ZNF746: variants seen among roughly 807,000 people sequenced by gnomAD.
ZNF746 encodes the protein parkin-interacting substrate.
A neutral mutation model predicts 41.0 loss-of-function variants in ZNF746; 13 were observed. The ratio of observed to expected loss-of-function variants is 0.32; its 90% CI spans 0.21 to 0.50. The LOEUF (loss-of-function observed/expected upper bound fraction) is 0.50. Ranked by LOEUF, ZNF746 falls within the 20% of genes least tolerant of loss-of-function variation. The pLI is 0.98. For synonymous variants in ZNF746, 424 were observed against 396.2 expected, an observed-to-expected ratio of 1.07 and a Z score of -0.83; for missense variants, 811 against 922.9, an observed-to-expected ratio of 0.88 and a Z score of 1.57.
At chr7:149,493,319 G>A (rs1156660885) in intron 3 of ZNF746, among the ~76,000 whole-genome samples, 2 of 152,216 alleles carry the variant, frequency 1.3e-5, no homozygotes, top group African/African-American at 4.8e-5. Flanking sequence ...GAGCGTGCAC[G>A]TTAAACAGCA....
intron 4 of ZNF746, chr7:149,488,851 CA>C (rs748471048): frequency 6.6e-6 from 1 of 152,076 alleles, no homozygotes; most frequent in South Asian, 2.1e-4. Context: ...CACAGGGCCA[CA>C]AAAAAACAGG....
chr7:149,474,404 T>C lies in ZNF746; in HGVS notation c.1963A>G (p.Thr655Ala). The C allele has an allele frequency of 1.2e-6, 2 of 1,609,086 alleles. No individual in the cohort carries two copies. Among genetic ancestry groups the C allele is most frequent in the Middle Eastern group, 1.7e-4 (1 of 5,834 alleles). ...WTCGLSVLGP[T>A]DGGDM ...GGCGCTCACATGTCCCCGCCATCGGTGGGTCCCAGGACGCTGAGGCCACAA... is the reference window on the plus strand; with the variant it reads ...GGCGCTCACATGTCCCCGCCATCGGCGGGTCCCAGGACGCTGAGGCCACAA... Residue 655 changes from threonine to alanine, a missense_variant, in exon 7 of 7, where the codon ACC (threonine) becomes GCC (alanine). Thr to Ala is a moderately conservative substitution (Grantham distance 58). Transcript: ENST00000458143. The surrounding 1 kb of genome is among the most constrained non-coding windows in gnomAD (Gnocchi z 6.3).
At chr7:149,482,112 T>C (rs945238051) in intron 4 of ZNF746, among the ~76,000 whole-genome samples, 1 of 152,236 alleles carries the variant, frequency 6.6e-6, no homozygotes, top group South Asian at 2.1e-4. Flanking sequence ...CTTGTTTTTG[T>C]ACACGGTTTT....
rs763162329 is a variant in ZNF746 at position 149,475,171 on chromosome 7, A to G, written c.1196T>C (p.Phe399Ser). 2.5e-6 allele frequency: 4 copies of G among 1,612,556 alleles called. No individual in the cohort carries two copies. The highest frequency in any genetic ancestry group is 3.4e-6 in the Non-Finnish European group (4 of 1,179,774). ...LFGGVRWGWN[F>S]RCKPPVGLNP... is the part of the protein sequence containing the mutation. The stretch of plus-strand genomic sequence containing the variant: ...CAGGCCCACTGGCGGTTTACACCGG[A>G]AATTCCAGCCCCACCGGACCCCTCC... Residue 399 changes from phenylalanine (F) to serine (S), a missense_variant, in exon 7 of 7, where the codon TTC becomes TCC. Phe to Ser is a radical substitution (Grantham distance 155). Coordinates refer to ENST00000458143, the MANE Select transcript of ZNF746 (RefSeq NM_001394198.1).
intron 1 of ZNF746, among the ~76,000 whole-genome samples, chr7:149,496,264 A>G (rs1800992608): frequency 6.6e-6 from 1 of 152,224 alleles, no homozygotes; most frequent in Non-Finnish European, 1.5e-5. Flanking sequence ...TGGGGCCAGG[A>G]AACCCTGTGT....
chr7:149,495,894 G>A (rs2107961), intron 1 of ZNF746, among the ~76,000 whole-genome samples: 2 of 152,164 alleles, frequency 1.3e-5, no homozygotes, highest in East Asian at 1.9e-4. Flanking sequence ...GTTTCTAGGC[G>A]AAAACCCCAA....
chr7:149,494,032 G>A lies in ZNF746; in HGVS notation c.408C>T (p.Tyr136=), dbSNP rs1800900371. The part of the protein sequence containing the change: ...GKLEDWQKEL[Y]KHVMRGNYET... ...CGTAGTTGCCCCTCATCACGTGCTT[G>A]TAGAGCTCCTTCTGCCAGTCCTCCA... The change falls in exon 3 of 7, where the codon TAC becomes TAT. Residue 136 remains tyrosine (Y), a synonymous_variant. Coordinates refer to ENST00000458143, the MANE Select transcript of ZNF746 (RefSeq NM_001394198.1). The surrounding 1 kb of genome is among the most constrained non-coding windows in gnomAD (Gnocchi z 5.6). 1.2e-6 allele frequency: 2 copies of A among 1,614,158 alleles called. No homozygotes were observed. Among genetic ancestry groups the A allele is most frequent in the Non-Finnish European group, 1.7e-6 (2 of 1,180,034 alleles).
chr7:149,497,262 G>T lies in ZNF746; in HGVS notation c.24+251C>A, dbSNP rs975540548. Reference sequence around the variant, plus strand: ...GGCAGGAAGCCCCGGAGGGCCCAAAGAACTTGGCGTGGGGCGGCCCGGGGC... The same window carrying T: ...GGCAGGAAGCCCCGGAGGGCCCAAATAACTTGGCGTGGGGCGGCCCGGGGC... On this transcript the variant is annotated intron_variant, in intron 1 of 6. Coordinates refer to ENST00000458143, the MANE Select transcript of ZNF746 (RefSeq NM_001394198.1). This position sits in a 1 kb window ranked among gnomAD's most constrained non-coding sequence, Gnocchi z 4.2. The T allele has an allele frequency of 3.0e-6, 3 of 985,196 alleles. No individual in the cohort carries two copies. Among genetic ancestry groups the T allele is most frequent in the African/African-American group, 3.5e-5 (2 of 57,348 alleles). The allele number at this position is 985,196 out of a possible 1,614,324, so 61.0% of individuals were successfully genotyped here.
In ZNF746 at chr7:149,474,104, T is replaced by C. The variant is rs1800192193; in HGVS notation, c.*280A>G. 3.2e-5 allele frequency: 15 copies of C among 474,702 alleles called. No homozygotes were observed. The South Asian group carries it at 3.6e-4, about 12-fold the overall frequency. The allele number at this position is 474,702 out of a possible 1,614,324, so 29.4% of individuals were successfully genotyped here. A position where few individuals can be genotyped will look rare whatever the true frequency, so the allele number is the denominator to read the frequency against. On this transcript the variant is annotated 3_prime_UTR_variant, in exon 7 of 7. Transcript: ENST00000458143. The surrounding 1 kb of genome is among the most constrained non-coding windows in gnomAD (Gnocchi z 6.3). Reference sequence around the variant, plus strand: ...CTATTACTATTTTCCAGCTTTTTCCTCAAGAATTAAAAAAAAACAAAAAAC... The same window carrying C: ...CTATTACTATTTTCCAGCTTTTTCCCCAAGAATTAAAAAAAAACAAAAAAC...
chr7:149,495,032 A>G (rs1800949558), intron 1 of ZNF746, among the ~76,000 whole-genome samples: 1 of 152,066 alleles, frequency 6.6e-6, no homozygotes, highest in African/African-American at 2.4e-5. Flanking sequence ...AAACAAGAGT[A>G]TTGCTCAATT....
chr7:149,496,020 T>C (rs1800983722), intron 1 of ZNF746, among the ~76,000 whole-genome samples: 1 of 151,942 alleles, frequency 6.6e-6, no homozygotes, highest in Non-Finnish European at 1.5e-5. Flanking sequence ...TTCCCTCACC[T>C]CTCCTTTCTC....
chr7:149,483,257 T>C (rs1324822935), intron 4 of ZNF746, among the ~76,000 whole-genome samples: 1 of 152,202 alleles, frequency 6.6e-6, no homozygotes, highest in Non-Finnish European at 1.5e-5. Flanking sequence ...TCAAAATGTA[T>C]GGGCTACAGC....
intron 4 of ZNF746, among the ~76,000 whole-genome samples, chr7:149,487,126 A>G (rs886563467): frequency 1.3e-5 from 2 of 152,132 alleles, no homozygotes; most frequent in African/African-American, 4.8e-5. Context: ...TGTGCATGCG[A>G]GGGGTCTGGG....
At chr7:149,476,175 G>A (rs544098348) in intron 6 of ZNF746, among the ~76,000 whole-genome samples, 7 of 151,902 alleles carry the variant, frequency 4.6e-5, no homozygotes, top group South Asian at 2.1e-4. Flanking sequence ...TTAGCTGGGC[G>A]TGGTGGCGGG....
At chr7:149,491,965 A>C (rs1051296467) in intron 4 of ZNF746, 5 of 702,832 alleles carry the variant, frequency 7.1e-6, no homozygotes, top group Non-Finnish European at 1.0e-5. Context: ...TGGTAACAAG[A>C]TTCACCTTAA....
chr7:149,486,411 CAA>C (rs78088527), intron 4 of ZNF746, among the ~76,000 whole-genome samples: 153 of 136,642 alleles, frequency 1.1e-3, no homozygotes, highest in Admixed American at 1.3e-3. Flanking sequence ...TTCACACCAG[CAA>C]AAAAAAAAAA....
chr7:149,480,562 A>G (rs938894133), intron 4 of ZNF746, among the ~76,000 whole-genome samples: 19 of 151,962 alleles, frequency 1.3e-4, no homozygotes, highest in African/African-American at 4.6e-4. Context: ...CCTCCCCAGT[A>G]GCACTGGGAC....
intron 4 of ZNF746, among the ~76,000 whole-genome samples, chr7:149,486,007 C>T (rs1800612320): frequency 6.6e-6 from 1 of 152,144 alleles, no homozygotes; most frequent in African/African-American, 2.4e-5. Context: ...CCACTGCACT[C>T]TAGCCTGAGC....
intron 6 of ZNF746, 42 bp from the exon 7 acceptor site, chr7:149,475,525 T>G (rs767306202): frequency 6.4e-7 from 1 of 1,552,836 alleles, no homozygotes; most frequent in South Asian, 1.2e-5. Context: ...GTCCCTTAAC[T>G]GCTGAGCGAG....
Sources: allele counts gnomAD v4.1 joint callset (sites outside exome capture counted in the v4.1 genomes callset), GRCh38; gene constraint gnomAD v4.1.1; non-coding constraint Gnocchi (gnomAD v3.1); transcripts MANE v1.5; gene names NCBI Gene and HGNC (gene_info 2026-07-23, HGNC 2026-07-21).